SYCE2: variants seen among roughly 807,000 people sequenced by gnomAD.
SYCE2 encodes the protein central element synaptonemal complex 1.
Under a neutral mutation model 27.9 loss-of-function variants are expected in SYCE2, and 3 were observed. The ratio of observed to expected loss-of-function variants is 0.11; its 90% CI spans 0.05 to 0.28. The LOEUF is 0.28. Ranked by LOEUF, SYCE2 falls within the 10% of genes least tolerant of loss-of-function variation. The probability of loss-of-function intolerance (pLI) is 1.00; values close to 1 mark genes in which losing one functional copy is unlikely to be tolerated. For synonymous variants in SYCE2, 85 were observed against 100.7 expected (o/e 0.84, Z 0.93); for missense variants, 207 against 263.5 (o/e 0.79, Z 1.48).
chr19:12,905,723 G>A (rs1033990673), intron 2 of SYCE2, among the ~76,000 whole-genome samples: 1 of 152,060 alleles, frequency 6.6e-6, no homozygotes, highest in Non-Finnish European at 1.5e-5. Context: ...ATAGCTCACT[G>A]CAGTGTCAGC....
In SYCE2 at chr19:12,899,208, CT is replaced by C. The variant is rs1970771639; in HGVS notation, c.*132del. The C allele has an allele frequency of 7.4e-6, 6 of 805,836 alleles. No homozygotes were observed. The highest frequency in any genetic ancestry group is 1.2e-5 in the Non-Finnish European group (6 of 490,432). The allele number at this position is 805,836 out of a possible 1,614,324, so 49.9% of individuals were successfully genotyped here. A position where few individuals can be genotyped will look rare whatever the true frequency, so the allele number is the denominator to read the frequency against. On this transcript the variant is annotated 3_prime_UTR_variant, in exon 6 of 6. Coordinates refer to ENST00000293695, the MANE Select transcript of SYCE2 (RefSeq NM_001105578.2). ...CATTTTGGGAGTTCAGCACAAGGAG[CT>C]TTGGGTTTTTGTTTTTTTCTGCCAA... is the stretch of plus-strand genomic sequence containing the variant.
chr19:12,907,620 G>T (rs779957753), intron 2 of SYCE2, among the ~76,000 whole-genome samples: 2 of 151,654 alleles, frequency 1.3e-5, no homozygotes, highest in Non-Finnish European at 2.9e-5. Context: ...GTGAAACCCC[G>T]TCTCTACTAA....
chr19:12,917,217 A>G (rs1464609002), intron 2 of SYCE2, among the ~76,000 whole-genome samples: 1 of 150,930 alleles, frequency 6.6e-6, no homozygotes, highest in African/African-American at 2.4e-5. Context: ...AGTGTCTGTC[A>G]CCATGCCTGG....
chr19:12,899,156 G>A lies in SYCE2; in HGVS notation c.*185C>T. The stretch of plus-strand genomic sequence containing the variant: ...CCAAGGGTGGGGAGCACGAAGCCTG[G>A]GCCTATGGCAGGGGCTGGACTTGCT... On this transcript the variant is annotated 3_prime_UTR_variant, in exon 6 of 6. Coordinates refer to ENST00000293695, the MANE Select transcript of SYCE2 (RefSeq NM_001105578.2). 3.3e-6 allele frequency: 2 copies of A among 611,396 alleles called. No individual in the cohort carries two copies. 37.9% of individuals were successfully genotyped at this position (611,396 alleles called of 1,614,324 possible). A position where few individuals can be genotyped will look rare whatever the true frequency, so the allele number is the denominator to read the frequency against.
intron 2 of SYCE2, among the ~76,000 whole-genome samples, chr19:12,917,659 CTTTTTT>C (rs71168635): frequency 1.3e-5 from 1 of 79,396 alleles, no homozygotes; most frequent in Non-Finnish European, 2.2e-5. Context: ...CCATTCCTGG[CTTTTTT>C]TTTTTTTTTT....
At chr19:12,902,811 CA>C (rs914806919) in intron 3 of SYCE2, among the ~76,000 whole-genome samples, 2 of 148,930 alleles carry the variant, frequency 1.3e-5, no homozygotes, top group Non-Finnish European at 1.5e-5. Context: ...AGGCTTGTCT[CA>C]AAAAAAAAGA....
chr19:12,918,392 C>T (rs560492755), intron 1 of SYCE2, 55 bp from the exon 2 acceptor site: 3 of 1,523,942 alleles, frequency 2.0e-6, no homozygotes, highest in East Asian at 4.5e-5. Flanking sequence ...GTGAACAGAT[C>T]GCCCTCCTGC....
intron 2 of SYCE2, among the ~76,000 whole-genome samples, chr19:12,916,850 A>G (rs1971147128): frequency 6.6e-6 from 1 of 151,754 alleles, no homozygotes; most frequent in Admixed American, 6.6e-5. Flanking sequence ...CCTGGGCTCA[A>G]GGGATCCTCC....
intron 2 of SYCE2, among the ~76,000 whole-genome samples, chr19:12,913,776 G>A (rs568400921): frequency 1.3e-5 from 2 of 152,238 alleles, no homozygotes; most frequent in South Asian, 4.1e-4. Flanking sequence ...ACAGATCCTG[G>A]TCTAAACATG....
At chr19:12,908,250 A>T (rs908996336) in intron 2 of SYCE2, among the ~76,000 whole-genome samples, 1 of 147,956 alleles carries the variant, frequency 6.8e-6, no homozygotes, top group African/African-American at 2.5e-5. Context: ...CCAAGGTTCT[A>T]GAAGGAGCTG....
intron 2 of SYCE2, among the ~76,000 whole-genome samples, chr19:12,905,639 T>G (rs746959029): frequency 4.4e-4 from 67 of 151,462 alleles, no homozygotes; most frequent in Admixed American, 5.9e-4. Flanking sequence ...CCCAATGCTT[T>G]CTTTCTTATT....
intron 3 of SYCE2, among the ~76,000 whole-genome samples, chr19:12,901,940 A>T (rs1345771324): frequency 6.6e-6 from 1 of 152,178 alleles, no homozygotes; most frequent in Non-Finnish European, 1.5e-5. Context: ...AAGAGGCAAA[A>T]GTATATACAG....
chr19:12,901,127 C>G (rs1311193294), intron 3 of SYCE2, among the ~76,000 whole-genome samples: 2 of 151,612 alleles, frequency 1.3e-5, no homozygotes, highest in East Asian at 3.9e-4. Flanking sequence ...TGAGATCGCG[C>G]CACTGCACTC....
chr19:12,900,561 A>T lies in SYCE2; in HGVS notation c.394T>A (p.Phe132Ile), dbSNP rs1243291299. 1 of 1,613,490 alleles carries T rather than the reference A, an allele frequency of 6.2e-7. No homozygotes were observed. The highest frequency in any genetic ancestry group is 1.1e-5 in the South Asian group (1 of 91,026). ...CTGATCTTTGCCATTTTCTGGGTGA[A>T]CTCTTGGAGCTTTTCCTGGATGATC... ...NKIIQEKLQE[F>I]TQKMAKISHL... Residue 132 changes from phenylalanine to isoleucine, a missense_variant, in exon 4 of 6, where the codon TTC (phenylalanine) becomes ATC (isoleucine). Phe to Ile is a conservative substitution (Grantham distance 21, BLOSUM62 0). Coordinates refer to ENST00000293695, the MANE Select transcript of SYCE2 (RefSeq NM_001105578.2).
chr19:12,919,091 G>A (rs1012472523), intron 1 of SYCE2, 152 bp downstream of exon 1: 4 of 1,010,140 alleles, frequency 4.0e-6, no homozygotes, highest in Non-Finnish European at 6.0e-6. Flanking sequence ...CAGTCAGTCA[G>A]GAAATTTGAG....
intron 1 of SYCE2, among the ~76,000 whole-genome samples, chr19:12,918,878 G>A (rs1348101125): frequency 1.3e-5 from 2 of 151,570 alleles, no homozygotes; most frequent in East Asian, 1.9e-4. Flanking sequence ...TTGAACCCGG[G>A]AGGCAGAGGT....
intron 2 of SYCE2, chr19:12,913,985 CCTT>C (rs754868239): frequency 6.6e-6 from 1 of 152,290 alleles, no homozygotes; most frequent in African/African-American, 2.4e-5. Flanking sequence ...TCCTCTCACT[CCTT>C]CTCCAGGTGA....
intron 3 of SYCE2, among the ~76,000 whole-genome samples, chr19:12,901,038 G>A (rs1002568024): frequency 5.9e-5 from 9 of 152,006 alleles, no homozygotes; most frequent in Admixed American, 1.3e-4. Flanking sequence ...GCGAGGTGGC[G>A]GGCGCCTGTA....
At position 12,899,218 on chromosome 19, in the gene SYCE2, T is replaced by C; in HGVS notation, c.*123A>G. 1 of 901,868 alleles carries C rather than the reference T, an allele frequency of 1.1e-6. No individual in the cohort carries two copies. Among genetic ancestry groups the C allele is most frequent in the Non-Finnish European group, 1.8e-6 (1 of 567,506 alleles). The allele number at this position is 901,868 out of a possible 1,614,324, so 55.9% of individuals were successfully genotyped here. ...GTTCAGCACAAGGAGCTTTGGGTTTTTGTTTTTTTCTGCCAAGATGCATTA... is the reference window on the plus strand; with the variant it reads ...GTTCAGCACAAGGAGCTTTGGGTTTCTGTTTTTTTCTGCCAAGATGCATTA... On this transcript the variant is annotated 3_prime_UTR_variant, in exon 6 of 6. Coordinates refer to ENST00000293695, the MANE Select transcript of SYCE2 (RefSeq NM_001105578.2).
Sources: gnomAD v4.1 joint callset for allele counts (sites outside exome capture counted in the v4.1 genomes callset) on GRCh38, gnomAD v4.1.1 for gene constraint, MANE v1.5 for transcripts, NCBI Gene and HGNC (gene_info 2026-07-23, HGNC 2026-07-21) for gene names.